The following PCDHGA1 variants were observed in gnomAD, a reference collection of about 807,000 sequenced individuals.
PCDHGA1 encodes protocadherin gamma-A1.
In PCDHGA1, 32 loss-of-function variants were observed where a neutral mutation model predicts 58.0. The ratio of observed to expected loss-of-function variants is 0.55; its 90% confidence interval spans 0.42 to 0.74. The LOEUF (loss-of-function observed/expected upper bound fraction) is 0.74. Among genes scored for constraint, PCDHGA1 ranks in the 30% least tolerant of loss-of-function variants. The pLI is 0.00. For missense variants in PCDHGA1, 1,205 were observed against 1,182.3 expected, an observed-to-expected ratio of 1.02 and a Z score of -0.28; for synonymous variants, 498 against 501.1, an observed-to-expected ratio of 0.99 and a Z score of 0.08.
intron 1 of PCDHGA1, chr5:141,423,962 C>A: frequency 1.7e-6 from 2 of 1,168,402 alleles, no homozygotes; most frequent in South Asian, 4.2e-5. Context: ...TATTATTTTT[C>A]TATTATCAGT....
In PCDHGA1 at chr5:141,346,315, C is replaced by A. The variant is rs771032536; in HGVS notation, c.2421+13210C>A. On this transcript the variant is annotated intron_variant, in intron 1 of 3. Transcript: ENST00000517417. Reference sequence around the variant, plus strand: ...TATTCCCACGAGGTCTCCCTCACTGCGGACTCGCGGAAGAGCCACCTGATT... The same window carrying A: ...TATTCCCACGAGGTCTCCCTCACTGAGGACTCGCGGAAGAGCCACCTGATT... 15 of 1,614,102 alleles carry A rather than the reference C, an allele frequency of 9.3e-6. No homozygotes were observed. The highest frequency in any genetic ancestry group is 1.2e-5 in the Non-Finnish European group (14 of 1,180,052).
At chr5:141,403,560 A>G in intron 1 of PCDHGA1, 1 of 1,613,972 alleles carries the variant, frequency 6.2e-7, no homozygotes, top group Non-Finnish European at 8.5e-7. Context: ...CTGGACAGGG[A>G]GGAGGCAACT....
chr5:141,408,203 A>G (rs1299661641), intron 1 of PCDHGA1: 2 of 1,550,806 alleles, frequency 1.3e-6, no homozygotes, highest in African/African-American at 1.4e-5. Flanking sequence ...CGAGCGAACG[A>G]TGGGAGGGAG....
At chr5:141,338,751 G>C (rs545978571) in intron 1 of PCDHGA1, 52 of 1,198,008 alleles carry the variant, frequency 4.3e-5, no homozygotes, top group Middle Eastern at 3.2e-4. Context: ...AAAAGGCAGC[G>C]AGACATCCAA....
chr5:141,375,103 C>G (rs1230243964), intron 1 of PCDHGA1: 1 of 1,613,900 alleles, frequency 6.2e-7, no homozygotes, highest in South Asian at 1.1e-5. Context: ...TCTTGGATGT[C>G]AATGATAATG....
At chr5:141,462,584 A>C (rs959398950) in intron 1 of PCDHGA1, among the ~76,000 whole-genome samples, 1 of 152,124 alleles carries the variant, frequency 6.6e-6, no homozygotes, top group African/African-American at 2.4e-5. Context: ...CATCCAGTGA[A>C]GTTTCCATTT....
intron 1 of PCDHGA1, chr5:141,375,875 T>C: frequency 6.2e-7 from 1 of 1,613,778 alleles, no homozygotes; most frequent in Non-Finnish European, 8.5e-7. Flanking sequence ...GGACAGAGAC[T>C]CGGGCCAGAA....
intron 1 of PCDHGA1, chr5:141,385,077 G>A (rs752305852): frequency 9.9e-6 from 16 of 1,614,096 alleles, no homozygotes; most frequent in Non-Finnish European, 1.4e-5. Flanking sequence ...GCCTGCTGCA[G>A]GCTTCAGAAG....
intron 1 of PCDHGA1, chr5:141,345,344 C>A: frequency 6.2e-7 from 1 of 1,614,076 alleles, no homozygotes; most frequent in Non-Finnish European, 8.5e-7. Flanking sequence ...CAGAAACTCA[C>A]ATCACCCTGC....
Position 141,478,516 on chromosome 5 carries a change from G to A in PCDHGA1, c.2422-16291G>A, listed in dbSNP as rs769702987. The A allele has an allele frequency of 4.3e-6, 7 of 1,610,992 alleles. No homozygotes were observed. In the African/African-American group the frequency reaches 8.0e-5, roughly 18 times the overall value. ...GTGATCCGGTGTTCTATAGGCAGGT[G>A]TTGGGTGCAGAGAGCGCCCCTCCCG... On this transcript the variant is annotated intron_variant, in intron 1 of 3. Transcript: ENST00000517417.
At chr5:141,450,826 A>C (rs965147554) in intron 1 of PCDHGA1, among the ~76,000 whole-genome samples, 1 of 134,302 alleles carries the variant, frequency 7.4e-6, no homozygotes, top group African/African-American at 2.9e-5. Context: ...TATTATTATT[A>C]TTATTTTTTT....
chr5:141,355,191 C>A (rs746909575), intron 1 of PCDHGA1: 2 of 1,591,882 alleles, frequency 1.3e-6, no homozygotes, highest in East Asian at 2.2e-5. Context: ...GACTCCGCGG[C>A]GGGGTTGTAA....
At chr5:141,405,240 C>G (rs2094630274) in intron 1 of PCDHGA1, 4 of 1,614,136 alleles carry the variant, frequency 2.5e-6, no homozygotes, top group African/African-American at 2.7e-5. Context: ...ACCGCTGACT[C>G]AAGGAAGAGT....
intron 1 of PCDHGA1, chr5:141,384,838 C>G: frequency 6.2e-7 from 1 of 1,613,540 alleles, no homozygotes; most frequent in Non-Finnish European, 8.5e-7. Flanking sequence ...GGTGGCCGTC[C>G]AGGACCACGG....
chr5:141,396,814 G>C (rs573559857), intron 1 of PCDHGA1, among the ~76,000 whole-genome samples: 10 of 152,322 alleles, frequency 6.6e-5, no homozygotes, highest in African/African-American at 2.2e-4. Flanking sequence ...GTGTTCTACT[G>C]TATGGTGCAT....
intron 1 of PCDHGA1, among the ~76,000 whole-genome samples, chr5:141,425,025 T>C (rs1416166875): frequency 1.3e-5 from 2 of 152,236 alleles, no homozygotes; most frequent in Non-Finnish European, 2.9e-5. Flanking sequence ...ATTTACCTTA[T>C]GTCATTAGTT....
At chr5:141,429,486 A>C (rs2097218130) in intron 1 of PCDHGA1, among the ~76,000 whole-genome samples, 1 of 152,114 alleles carries the variant, frequency 6.6e-6, no homozygotes, top group Non-Finnish European at 1.5e-5. Context: ...AGTAGCTGAG[A>C]CTACAGTTGC....
At chr5:141,405,130 G>A in intron 1 of PCDHGA1, 1 of 1,614,012 alleles carries the variant, frequency 6.2e-7, no homozygotes, top group South Asian at 1.1e-5. Flanking sequence ...ATCTGCTGCG[G>A]GCTACCAGTG....
intron 1 of PCDHGA1, chr5:141,352,665 C>T (rs755324921): frequency 2.5e-6 from 4 of 1,587,432 alleles, no homozygotes; most frequent in South Asian, 1.1e-5. Context: ...TCTTTGTCTT[C>T]GCACGTGAGT....
Sources: allele counts gnomAD v4.1 joint callset (sites outside exome capture counted in the v4.1 genomes callset), GRCh38; gene constraint gnomAD v4.1.1; transcripts MANE v1.5; gene names NCBI Gene and HGNC (gene_info 2026-07-23, HGNC 2026-07-21).